The following TBX6 variants were observed in gnomAD, a reference collection of about 807,000 sequenced individuals.
TBX6 encodes T-box transcription factor 6.
A neutral mutation model predicts 42.3 loss-of-function variants in TBX6; 29 were observed. The ratio of observed to expected loss-of-function variants is 0.69; its 90% CI spans 0.51 to 0.93. The LOEUF is 0.93. Ranked by LOEUF, TBX6 falls within the 40% of genes least tolerant of loss-of-function variation. TBX6 has a pLI of 0.00. For synonymous variants in TBX6, 249 were observed against 245.1 expected, an observed-to-expected ratio of 1.02 and a Z score of -0.15; for missense variants, 569 against 603.3, an observed-to-expected ratio of 0.94 and a Z score of 0.59.
Position 30,091,096 on chromosome 16 carries a change from G to T in TBX6, c.98C>A (p.Ala33Glu). 6.3e-7 allele frequency: 1 copy of T among 1,583,836 alleles called. No homozygotes were observed. The highest frequency in any genetic ancestry group is 2.3e-5 in the East Asian group (1 of 43,898). ...GADSSFPPAL[A>E]EGYRYPELDT... ...CTCACCGGGGTAGCGGTAGCCCTCC[G>T]CTAGGGCGGGTGGGAAGCTGGAGTC... is the stretch of plus-strand genomic sequence containing the variant. The change falls in exon 2 of 9, where the codon GCG becomes GAG. Residue 33 changes from alanine (A) to glutamate (E), a missense_variant. Ala to Glu is a moderately radical substitution (Grantham distance 107, BLOSUM62 -1). Coordinates refer to ENST00000395224, the MANE Select transcript of TBX6 (RefSeq NM_004608.4).
At chr16:30,087,972 C>T (rs2072666106) in intron 6 of TBX6, 2 of 106,000 alleles carry the variant, frequency 1.9e-5, no homozygotes, top group East Asian at 3.1e-4. Flanking sequence ...AAGTTTTGCT[C>T]GTGTTGCCTA....
At position 30,088,951 on chromosome 16, in the gene TBX6, G is replaced by C. The variant is rs1339060062; in HGVS notation, c.613C>G (p.His205Asp). 3 of 1,607,698 alleles carry C rather than the reference G, an allele frequency of 1.9e-6. No individual in the cohort carries two copies. In the East Asian group the frequency reaches 6.7e-5, roughly 36 times the overall value. ...CCCAGCCTGGGCCTCACGTGGCCGTGGGGGTCCAGCGTGCTGTTGGTGAGC... is the reference window on the plus strand; with the variant it reads ...CCCAGCCTGGGCCTCACGTGGCCGTCGGGGTCCAGCGTGCTGTTGGTGAGC... Reference protein sequence around the residue: ...VKLTNSTLDPHGHLILHSMHK... With the variant: ...VKLTNSTLDPDGHLILHSMHK... Residue 205 changes from histidine (H) to aspartate (D), a missense_variant, in exon 4 of 9, where the codon CAC becomes GAC. Physicochemically the swap from His to Asp is moderately conservative, Grantham distance 81. Transcript: ENST00000395224. This position sits in a 1 kb window ranked among gnomAD's most constrained non-coding sequence, Gnocchi z 4.1.
chr16:30,086,480 C>T lies in TBX6; in HGVS notation c.1097+32G>A, dbSNP rs764847381. On this transcript the variant is annotated intron_variant, in intron 8 of 8. Transcript: ENST00000395224. The surrounding 1 kb of genome is among the most constrained non-coding windows in gnomAD (Gnocchi z 4.6). ...GATGTCAGAGCAGGGCAGAGGGACC[C>T]GCAGCCCCGCCTGGTCCCCTGTCCC... 4.0e-6 allele frequency: 6 copies of T among 1,484,658 alleles called. No homozygotes were observed. The highest frequency in any genetic ancestry group is 2.5e-5 in the East Asian group (1 of 40,532). 92.0% of individuals were successfully genotyped at this position (1,484,658 alleles called of 1,614,324 possible). A position where few individuals can be genotyped will look rare whatever the true frequency, so the allele number is the denominator to read the frequency against.
In TBX6 at chr16:30,086,632, T is replaced by C; in HGVS notation, c.977A>G (p.Gln326Arg). The change falls in exon 8 of 9, where the codon CAG (glutamine) becomes CGG (arginine). Residue 326 changes from glutamine to arginine, a missense_variant. By Grantham distance (43) the Gln-to-Arg change is conservative (BLOSUM62 1). Around this residue, in one of 3 missense-constraint regions of TBX6, gnomAD observed 245 missense variants for 227.4 expected, o/e 1.08. Transcript: ENST00000395224. This position sits in a 1 kb window ranked among gnomAD's most constrained non-coding sequence, Gnocchi z 4.6. ...GGDIRESDPE[Q>R]APAPGEATAA... ...GGTGGCTTCCCCGGGGGCTGGGGCC[T>C]GTTCTGGATCTGATTCACGAATGTC... 1 of 1,603,982 alleles carries C rather than the reference T, an allele frequency of 6.2e-7. No individual in the cohort carries two copies.
Position 30,086,474 on chromosome 16 carries a change from G to A in TBX6, c.1098-36C>T. The A allele has an allele frequency of 6.7e-7, 1 of 1,486,980 alleles. No individual in the cohort carries two copies. The highest frequency in any genetic ancestry group is 8.9e-7 in the Non-Finnish European group (1 of 1,122,232). The allele number at this position is 1,486,980 out of a possible 1,614,324, so 92.1% of individuals were successfully genotyped here. A position where few individuals can be genotyped will look rare whatever the true frequency, so the allele number is the denominator to read the frequency against. Reference sequence around the variant, plus strand: ...GAGAGGGATGTCAGAGCAGGGCAGAGGGACCCGCAGCCCCGCCTGGTCCCC... The same window carrying A: ...GAGAGGGATGTCAGAGCAGGGCAGAAGGACCCGCAGCCCCGCCTGGTCCCC... On this transcript the variant is annotated intron_variant, in intron 8 of 8. Coordinates refer to ENST00000395224, the MANE Select transcript of TBX6 (RefSeq NM_004608.4). The surrounding 1 kb of genome is among the most constrained non-coding windows in gnomAD (Gnocchi z 4.6).
Position 30,090,775 on chromosome 16 carries a change from G to A in TBX6, c.336C>T (p.Ile112=), listed in dbSNP as rs1353861178. 6.2e-7 allele frequency: 1 copy of A among 1,608,880 alleles called. No individual in the cohort carries two copies. Among genetic ancestry groups the A allele is most frequent in the Non-Finnish European group, 8.5e-7 (1 of 1,177,578 alleles). ...KEFSSVGTEM[I]ITKAGRRMFP... is the part of the protein sequence containing the mutation. ...CCCCTCACCTCCCAGCTTTGGTGAT[G>A]ATCATTTCTGTTCCCACAGAGCTGA... Residue 112 remains isoleucine, a synonymous_variant, in exon 3 of 9, where the codon ATC becomes ATT. Transcript: ENST00000395224.
chr16:30,089,329 G>A (rs2072689176), intron 3 of TBX6, 119 bp from the exon 4 acceptor site: 1 of 1,340,232 alleles, frequency 7.5e-7, no homozygotes, highest in Non-Finnish European at 1.0e-6. Flanking sequence ...CATCAAAGGA[G>A]GTGGAATTAG....
intron 6 of TBX6, among the ~76,000 whole-genome samples, chr16:30,087,657 CTT>C (rs2072656007): frequency 6.6e-6 from 1 of 152,156 alleles, no homozygotes; most frequent in Non-Finnish European, 1.5e-5. Flanking sequence ...CTGCCTGACT[CTT>C]AGTCACTCCA....
chr16:30,086,147 G>C lies in TBX6; in HGVS notation c.*78C>G, dbSNP rs559678534. ...GCCATTTGGTGTGGGGGATGGGGCC[G>C]GTGGAGGTGAGGGGGCTCCAGGGCT... On this transcript the variant is annotated 3_prime_UTR_variant, in exon 9 of 9. Transcript: ENST00000395224. This position sits in a 1 kb window ranked among gnomAD's most constrained non-coding sequence, Gnocchi z 4.6. 863 of 1,501,266 alleles carry C rather than the reference G, an allele frequency of 5.7e-4. 1 individual carries two copies. Among genetic ancestry groups the C allele is most frequent in the Non-Finnish European group, 7.1e-4 (780 of 1,101,980 alleles). The allele number at this position is 1,501,266 out of a possible 1,614,324, so 93.0% of individuals were successfully genotyped here.
rs755585282 is a variant in TBX6 at position 30,086,336 on chromosome 16, C to T, written c.1200G>A (p.Ala400=). The T allele has an allele frequency of 6.2e-6, 10 of 1,604,110 alleles. No homozygotes were observed. The highest frequency in any genetic ancestry group is 2.2e-5 in the East Asian group (1 of 44,780). ...GGGCAAAGGGTACCGCCGGTGGAGCCGCTGGGTACCCGGAGCCCCCTGACC... is the reference window on the plus strand; with the variant it reads ...GGGCAAAGGGTACCGCCGGTGGAGCTGCTGGGTACCCGGAGCCCCCTGACC... ...PHGSGGSGYP[A]APPAVPFAPH... is the part of the protein sequence containing the mutation. The change falls in exon 9 of 9, where the codon GCG becomes GCA. Residue 400 remains alanine (A), a synonymous_variant. Transcript: ENST00000395224. The surrounding 1 kb of genome is among the most constrained non-coding windows in gnomAD (Gnocchi z 4.6).
At chr16:30,091,761 T>C (rs1407070711) in intron 1 of TBX6, 112 bp downstream of exon 1, 1 of 154,024 alleles carries the variant, frequency 6.5e-6, no homozygotes, top group Non-Finnish European at 1.4e-5. Context: ...CACAGGGCAC[T>C]CGGGGCCGCG....
intron 3 of TBX6, 70 bp downstream of exon 3, chr16:30,090,686 GCC>G: frequency 6.8e-7 from 1 of 1,464,534 alleles, no homozygotes; most frequent in Non-Finnish European, 9.2e-7. Context: ...CCCAGTCCTA[GCC>G]CCCTCCCCAG....
At position 30,089,725 on chromosome 16, in the gene TBX6, T is replaced by A. The variant is rs555287529; in HGVS notation, c.354-515A>T. 5.3e-5 allele frequency among the ~76,000 whole-genome samples: 8 copies of A among 151,814 alleles called. No homozygotes were observed. In the East Asian group the frequency reaches 1.2e-3, roughly 22 times the overall value. On this transcript the variant is annotated intron_variant, in intron 3 of 8. Transcript: ENST00000395224. ...GGTGGAAGGATCATGAGGTCAGAAG[T>A]TTGAGACCAGCCTGGCCAATATGGT... is the stretch of plus-strand genomic sequence containing the variant.
Position 30,085,880 on chromosome 16 carries a change from T to G in TBX6, c.*345A>C. The G allele has an allele frequency of 6.0e-6, 2 of 332,360 alleles. No homozygotes were observed. The highest frequency in any genetic ancestry group is 9.9e-5 in the East Asian group (1 of 10,080). The allele number at this position is 332,360 out of a possible 1,614,324, so 20.6% of individuals were successfully genotyped here. A position where few individuals can be genotyped will look rare whatever the true frequency, so the allele number is the denominator to read the frequency against. ...GACTGGTGTGGCCTGCACCAGTGTGTGTGGGGGGGTGGGGATTGAGCCCCT... is the reference window on the plus strand; with the variant it reads ...GACTGGTGTGGCCTGCACCAGTGTGGGTGGGGGGGTGGGGATTGAGCCCCT... On this transcript the variant is annotated 3_prime_UTR_variant, in exon 9 of 9. Coordinates refer to ENST00000395224, the MANE Select transcript of TBX6 (RefSeq NM_004608.4).
Position 30,086,243 on chromosome 16 carries a change from G to A in TBX6, c.1293C>T (p.Gly431=). ...CAGTGGTTCAGTACATGGGTTTGGA[G>A]CCCACATCCAGATAGCCCCCAGGCG... ...YTAPGGYLDV[G]SKPMY Residue 431 remains glycine, a synonymous_variant, in exon 9 of 9, where the codon GGC becomes GGT. Transcript: ENST00000395224. This position sits in a 1 kb window ranked among gnomAD's most constrained non-coding sequence, Gnocchi z 4.6. 1 of 1,611,816 alleles carries A rather than the reference G, an allele frequency of 6.2e-7. No homozygotes were observed. The highest frequency in any genetic ancestry group is 8.5e-7 in the Non-Finnish European group (1 of 1,179,650).
Position 30,086,161 on chromosome 16 carries a change from G to A in TBX6, c.*64C>T. 1.9e-6 allele frequency: 3 copies of A among 1,560,078 alleles called. No individual in the cohort carries two copies. Among genetic ancestry groups the A allele is most frequent in the Non-Finnish European group, 2.6e-6 (3 of 1,149,116 alleles). On this transcript the variant is annotated 3_prime_UTR_variant, in exon 9 of 9. Transcript: ENST00000395224. The surrounding 1 kb of genome is among the most constrained non-coding windows in gnomAD (Gnocchi z 4.6). Reference sequence around the variant, plus strand: ...GGGATGGGGCCGGTGGAGGTGAGGGGGCTCCAGGGCTGGGGGAAGGGAGCG... The same window carrying A: ...GGGATGGGGCCGGTGGAGGTGAGGGAGCTCCAGGGCTGGGGGAAGGGAGCG...
In TBX6 at chr16:30,086,435, G is replaced by T. The variant is rs774597012; in HGVS notation, c.1101C>A (p.Ser367Arg). Residue 367 changes from serine (S) to arginine (R), a missense_variant, in exon 9 of 9, where the codon AGC (serine) becomes AGA (arginine). Physicochemically the swap from Ser to Arg is moderately radical, Grantham distance 110. Around this residue, in one of 3 missense-constraint regions of TBX6, gnomAD observed 245 missense variants for 227.4 expected, o/e 1.08. Coordinates refer to ENST00000395224, the MANE Select transcript of TBX6 (RefSeq NM_004608.4). The surrounding 1 kb of genome is among the most constrained non-coding windows in gnomAD (Gnocchi z 4.6). ...HGAPSHLPTR[S>R]PSFPEAPDSG... ...AGTCTGGAGCCTCCGGGAAGCTGGGGCTCCTGACATGGAGAGAGGGATGTC... is the reference window on the plus strand; with the variant it reads ...AGTCTGGAGCCTCCGGGAAGCTGGGTCTCCTGACATGGAGAGAGGGATGTC... 13 of 1,513,942 alleles carry T rather than the reference G, an allele frequency of 8.6e-6. No individual in the cohort carries two copies. The highest frequency in any genetic ancestry group is 3.5e-6 in the Non-Finnish European group (4 of 1,136,306). The allele number at this position is 1,513,942 out of a possible 1,614,324, so 93.8% of individuals were successfully genotyped here.
rs2072683270 is a variant in TBX6, at chr16:30,089,057, A to G, written c.507T>C (p.Pro169=). Reference sequence around the variant, plus strand: ...AGTCGGGGTGAATGTAGACACGGTCAGGCAGGCGGGGCTCTGCCTTGCCGC... The same window carrying G: ...AGTCGGGGTGAATGTAGACACGGTCGGGCAGGCGGGGCTCTGCCTTGCCGC... ...EPSGKAEPRL[P]DRVYIHPDSP... is the part of the protein sequence containing the mutation. The change falls in exon 4 of 9, where the codon CCT becomes CCC. Residue 169 remains proline (P), a synonymous_variant. Transcript: ENST00000395224. 1.2e-6 allele frequency: 2 copies of G among 1,613,918 alleles called. No individual in the cohort carries two copies. Among genetic ancestry groups the G allele is most frequent in the African/African-American group, 2.7e-5 (2 of 75,058 alleles).
chr16:30,086,923 G>A lies in TBX6; in HGVS notation c.840-72C>T. The A allele has an allele frequency of 6.5e-7, 1 of 1,541,240 alleles. No individual in the cohort carries two copies. The highest frequency in any genetic ancestry group is 8.8e-7 in the Non-Finnish European group (1 of 1,139,944). ...GTGATGGTAACAGTACTTACCCGGT[G>A]CCAGGCATTTCACCCTCCCAGGGAC... On this transcript the variant is annotated intron_variant, in intron 6 of 8. Coordinates refer to ENST00000395224, the MANE Select transcript of TBX6 (RefSeq NM_004608.4). The surrounding 1 kb of genome is among the most constrained non-coding windows in gnomAD (Gnocchi z 4.6).
Sources: gnomAD v4.1 joint callset for allele counts (sites outside exome capture counted in the v4.1 genomes callset) on GRCh38, gnomAD v4.1.1 for gene constraint, gnomAD v4.1.1 regional missense constraint, Gnocchi (gnomAD v3.1) non-coding constraint, MANE v1.5 for transcripts, NCBI Gene and HGNC (gene_info 2026-07-23, HGNC 2026-07-21) for gene names.